Variants in ARHGAP24 observed in about 807,000 individuals in gnomAD.
ARHGAP24 encodes the protein rho GTPase-activating protein 24.
A neutral mutation model predicts 76.4 loss-of-function variants in ARHGAP24; 50 were observed. The observed-to-expected ratio is 0.65, with a 90% CI of 0.52 to 0.83. The LOEUF (loss-of-function observed/expected upper bound fraction) is 0.83, where lower values mean the gene tolerates loss of function less well. Among genes scored for constraint, ARHGAP24 ranks in the 40% least tolerant of loss-of-function variants. The pLI is 0.00. For synonymous variants in ARHGAP24, 345 were observed against 323.3 expected (o/e 1.07, Z -0.72); for missense variants, 930 against 914.2 (o/e 1.02, Z -0.22).
chr4:85,845,031 G>A (rs923781811), intron 3 of ARHGAP24, among the ~76,000 whole-genome samples: 1 of 152,184 alleles, frequency 6.6e-6, no homozygotes, highest in Non-Finnish European at 1.5e-5. Flanking sequence ...ACTTCTCCCT[G>A]CATTTTTTAA....
chr4:85,663,331 G>A (rs1340427482), intron 2 of ARHGAP24, among the ~76,000 whole-genome samples: 1 of 65,782 alleles, frequency 1.5e-5, no homozygotes, highest in East Asian at 2.3e-4. Context: ...TTTGTTATTG[G>A]TGTATAAGAA....
intron 1 of ARHGAP24, among the ~76,000 whole-genome samples, chr4:85,496,894 T>A (rs2110096864): frequency 6.6e-6 from 1 of 152,158 alleles, no homozygotes; most frequent in East Asian, 1.9e-4. Flanking sequence ...TACAGAGAAA[T>A]GAGTATGAAA....
intron 2 of ARHGAP24, among the ~76,000 whole-genome samples, chr4:85,618,514 G>C (rs1720609377): frequency 6.6e-6 from 1 of 152,076 alleles, no homozygotes; most frequent in East Asian, 1.9e-4. Context: ...TGAGTTGCTG[G>C]ATCATATAGT....
At chr4:85,715,727 A>G (rs1318498838) in intron 2 of ARHGAP24, among the ~76,000 whole-genome samples, 1 of 152,048 alleles carries the variant, frequency 6.6e-6, no homozygotes, top group Non-Finnish European at 1.5e-5. Context: ...CCTTTTCATA[A>G]CAGGGCCTTA....
chr4:85,981,000 G>C (rs1739630190), intron 8 of ARHGAP24, among the ~76,000 whole-genome samples: 1 of 152,162 alleles, frequency 6.6e-6, no homozygotes, highest in African/African-American at 2.4e-5. Flanking sequence ...TTACTGAACA[G>C]TAAAATATAT....
chr4:85,755,647 T>TTTA lies in ARHGAP24; in HGVS notation c.268+33677_268+33678insATT. Among the ~76,000 whole-genome samples the TTTA allele has an allele frequency of 1.7e-5, 2 of 118,752 alleles. 1 individual carries two copies. The highest frequency in any genetic ancestry group is 6.3e-4 in the South Asian group (2 of 3,178). 77.9% of individuals were successfully genotyped at this position (118,752 alleles called of 152,430 possible). A position where few individuals can be genotyped will look rare whatever the true frequency, so the allele number is the denominator to read the frequency against. On this transcript the variant is annotated intron_variant, in intron 3 of 9. Transcript: ENST00000395184. ...TTTTGTTTTGTTTTGTTTTGTTTTG[T>TTTA]TTTGAGACGGAGTCTCGTTCTGTTG... is the stretch of plus-strand genomic sequence containing the variant.
chr4:85,576,171 T>C (rs529418086), intron 2 of ARHGAP24, among the ~76,000 whole-genome samples: 31 of 151,480 alleles, frequency 2.0e-4, no homozygotes, highest in African/African-American at 6.8e-4. Context: ...GGCTCACGCC[T>C]GTAATCCCAG....
At chr4:85,993,599 TG>T (rs1434073779) in intron 8 of ARHGAP24, among the ~76,000 whole-genome samples, 2 of 152,200 alleles carry the variant, frequency 1.3e-5, no homozygotes, top group East Asian at 3.8e-4. Context: ...CTCAATTAGC[TG>T]CTGTTGTAAT....
intron 2 of ARHGAP24, among the ~76,000 whole-genome samples, chr4:85,624,288 A>C (rs187314658): frequency 0.013 from 1,931 of 152,260 alleles, 20 homozygotes; most frequent in Non-Finnish European, 0.02. Flanking sequence ...GGGAGTTTTT[A>C]GCATGAAGCG....
At position 85,846,563 on chromosome 4, in the gene ARHGAP24, A is replaced by C. The variant is rs150245617; in HGVS notation, c.269-77085A>C. Among the ~76,000 whole-genome samples, 43 of 152,328 alleles carry C rather than the reference A, an allele frequency of 2.8e-4. No individual in the cohort carries two copies. In the East Asian group the frequency reaches 7.1e-3, roughly 25 times the overall value. On this transcript the variant is annotated intron_variant, in intron 3 of 9. Coordinates refer to ENST00000395184, the MANE Select transcript of ARHGAP24 (RefSeq NM_001025616.3). Reference sequence around the variant, plus strand: ...ACACTTTAAATTTCTGTTGGATAAAACTATAAAACAATCAATTAATTCTCA... The same window carrying C: ...ACACTTTAAATTTCTGTTGGATAAACCTATAAAACAATCAATTAATTCTCA...
intron 2 of ARHGAP24, among the ~76,000 whole-genome samples, chr4:85,651,824 G>A (rs1260749680): frequency 6.6e-6 from 1 of 151,854 alleles, no homozygotes; most frequent in Non-Finnish European, 1.5e-5. Flanking sequence ...ATGTCATTAA[G>A]ATTAATGAAA....
At chr4:85,880,247 T>C (rs1013708773) in intron 3 of ARHGAP24, among the ~76,000 whole-genome samples, 7 of 152,186 alleles carry the variant, frequency 4.6e-5, no homozygotes, top group Non-Finnish European at 1.0e-4. Context: ...TTCACTCTTA[T>C]GATGTAAGAT....
At chr4:85,953,664 C>A (rs60938390) in intron 5 of ARHGAP24, among the ~76,000 whole-genome samples, 262 of 151,792 alleles carry the variant, frequency 1.7e-3, no homozygotes, top group African/African-American at 6.0e-3. Flanking sequence ...TCTGCCTGTG[C>A]TGCCCAGAGG....
intron 3 of ARHGAP24, among the ~76,000 whole-genome samples, chr4:85,755,626 G>GTTGTT (rs1553927670): frequency 5.1e-5 from 6 of 117,372 alleles, no homozygotes; most frequent in Non-Finnish European, 7.1e-5. Context: ...CTATTCTTTT[G>GTTGTT]TTTTGTTTTG....
At chr4:85,694,328 G>T (rs1345738134) in intron 2 of ARHGAP24, among the ~76,000 whole-genome samples, 3 of 151,934 alleles carry the variant, frequency 2.0e-5, no homozygotes, top group Admixed American at 6.6e-5. Context: ...AAATCAGCTA[G>T]GTGGTGCCGG....
intron 2 of ARHGAP24, among the ~76,000 whole-genome samples, chr4:85,598,978 C>T (rs1004571251): frequency 6.6e-6 from 1 of 151,670 alleles, no homozygotes; most frequent in Non-Finnish European, 1.5e-5. Flanking sequence ...TTATATAAAA[C>T]TTAATAAGAT....
intron 3 of ARHGAP24, among the ~76,000 whole-genome samples, chr4:85,855,285 C>T (rs573987619): frequency 5.3e-5 from 8 of 152,074 alleles, no homozygotes; most frequent in Non-Finnish European, 1.0e-4. Context: ...ATCCCTAAAC[C>T]GCATAAAGCC....
chr4:85,891,120 G>A (rs1405815593), intron 3 of ARHGAP24, among the ~76,000 whole-genome samples: 1 of 152,176 alleles, frequency 6.6e-6, no homozygotes, highest in Non-Finnish European at 1.5e-5. Context: ...GATTTTGGAA[G>A]TAGTGCTAAT....
intron 3 of ARHGAP24, among the ~76,000 whole-genome samples, chr4:85,913,721 A>G (rs17011185): frequency 0.31 from 46,545 of 151,968 alleles, 7,375 homozygotes; most frequent in South Asian, 0.5. Context: ...TTTACCTCCT[A>G]GGGTTCTTGT....
Sources: gnomAD v4.1 joint callset for allele counts (sites outside exome capture counted in the v4.1 genomes callset) on GRCh38, gnomAD v4.1.1 for gene constraint, MANE v1.5 for transcripts, NCBI Gene and HGNC (gene_info 2026-07-23, HGNC 2026-07-21) for gene names.